Variants in LARS2 observed in about 807,000 individuals in gnomAD.
LARS2 encodes leucyl-tRNA synthetase 2, mitochondrial.
A neutral mutation model predicts 116.6 loss-of-function variants in LARS2; 81 were observed. The observed-to-expected ratio is 0.69, with a 90% CI of 0.58 to 0.84. The LOEUF is 0.84. Among genes scored for constraint, LARS2 ranks in the 40% least tolerant of loss-of-function variants. The pLI, the probability that LARS2 is intolerant of heterozygous loss-of-function variation, is 0.00. For synonymous variants in LARS2, 396 were observed against 407.2 expected, an observed-to-expected ratio of 0.97 and a Z score of 0.33; for missense variants, 968 against 1,114.5, an observed-to-expected ratio of 0.87 and a Z score of 1.87.
chr3:45,432,195 G>GT lies in LARS2; in HGVS notation c.516+12468dup, dbSNP rs1480819071. ...ACAGAATTGAAGAGAGAAATAGACA[G>GT]TTCCACAGTAATAGTTGGAGACTTT... On this transcript the variant is annotated intron_variant, in intron 6 of 21. Coordinates refer to ENST00000645846, the MANE Select transcript of LARS2 (RefSeq NM_015340.4). Among the ~76,000 whole-genome samples the GT allele has an allele frequency of 2.6e-5, 4 of 152,124 alleles. No homozygotes were observed. The East Asian group carries it at 7.7e-4, about 29-fold the overall frequency.
intron 15 of LARS2, among the ~76,000 whole-genome samples, chr3:45,512,563 G>T (rs1199978270): frequency 6.6e-6 from 1 of 152,168 alleles, no homozygotes. Context: ...AAGTGAGATA[G>T]ATCTATATGA....
chr3:45,456,572 G>C (rs1575266876), intron 7 of LARS2, among the ~76,000 whole-genome samples: 1 of 152,184 alleles, frequency 6.6e-6, no homozygotes, highest in African/African-American at 2.4e-5. Flanking sequence ...GACAGAGTGA[G>C]ACCCTGTCTC....
At chr3:45,545,251 C>T (rs1700858911) in intron 21 of LARS2, among the ~76,000 whole-genome samples, 1 of 152,196 alleles carries the variant, frequency 6.6e-6, no homozygotes, top group South Asian at 2.1e-4. Context: ...TTAGCCATCG[C>T]AAGGCTACCC....
At chr3:45,492,500 T>C (rs1699938512) in intron 13 of LARS2, among the ~76,000 whole-genome samples, 1 of 152,236 alleles carries the variant, frequency 6.6e-6, no homozygotes, top group South Asian at 2.1e-4. Context: ...TAAAATAATT[T>C]TGTATTCTGC....
rs139165422 is a variant in LARS2 at position 45,469,252 on chromosome 3, C to T, written c.751-4991C>T. Among the ~76,000 whole-genome samples, 155 of 152,266 alleles carry T rather than the reference C, an allele frequency of 1.0e-3. 3 individuals carry two copies. The East Asian group carries it at 0.026, about 26-fold the overall frequency. The stretch of plus-strand genomic sequence containing the variant: ...ATATCACATTCCAATGAGAGGTTGA[C>T]GCAGGGCTATCATAGGGAGGCTTTA... On this transcript the variant is annotated intron_variant, in intron 8 of 21. Transcript: ENST00000645846.
At chr3:45,532,422 G>A (rs1279583144) in intron 20 of LARS2, among the ~76,000 whole-genome samples, 1 of 152,080 alleles carries the variant, frequency 6.6e-6, no homozygotes, top group Non-Finnish European at 1.5e-5. Context: ...GCCTAATATT[G>A]AGATATCCTC....
chr3:45,503,396 C>T (rs1700150332), intron 15 of LARS2, among the ~76,000 whole-genome samples: 1 of 152,090 alleles, frequency 6.6e-6, no homozygotes. Context: ...TTGAGATCTT[C>T]TTCTAGACTC....
intron 1 of LARS2, among the ~76,000 whole-genome samples, chr3:45,389,614 G>T (rs868247757): frequency 2.0e-5 from 3 of 152,318 alleles, no homozygotes; most frequent in African/African-American, 7.2e-5. Context: ...AAGAGGGGTG[G>T]AGTAGTGGGA....
At chr3:45,410,138 G>C (rs1267604747) in intron 4 of LARS2, among the ~76,000 whole-genome samples, 1 of 152,162 alleles carries the variant, frequency 6.6e-6, no homozygotes, top group Admixed American at 6.5e-5. Context: ...AAACCAAGTG[G>C]TAATTAAGTT....
At chr3:45,531,606 G>C (rs1417956279) in intron 20 of LARS2, among the ~76,000 whole-genome samples, 1 of 151,718 alleles carries the variant, frequency 6.6e-6, no homozygotes, top group Non-Finnish European at 1.5e-5. Context: ...CTAGTCCTGA[G>C]CTCCTGGGCT....
intron 4 of LARS2, among the ~76,000 whole-genome samples, chr3:45,405,438 G>A (rs563548896): frequency 1.3e-5 from 2 of 152,258 alleles, no homozygotes; most frequent in African/African-American, 4.8e-5. Flanking sequence ...GTTTTTAAAA[G>A]CATACAACTC....
At chr3:45,432,963 AT>A (rs1488480238) in intron 6 of LARS2, among the ~76,000 whole-genome samples, 1 of 152,022 alleles carries the variant, frequency 6.6e-6, no homozygotes, top group African/African-American at 2.4e-5. Flanking sequence ...ATTTTATGAT[AT>A]TTTACTATGA....
At chr3:45,505,936 GC>G (rs1700195166) in intron 15 of LARS2, among the ~76,000 whole-genome samples, 1 of 152,018 alleles carries the variant, frequency 6.6e-6, no homozygotes, top group Non-Finnish European at 1.5e-5. Context: ...AGGGTTTGCT[GC>G]ATGCTGATGT....
intron 20 of LARS2, among the ~76,000 whole-genome samples, chr3:45,531,089 T>C (rs1316168348): frequency 6.6e-6 from 1 of 152,218 alleles, no homozygotes; most frequent in African/African-American, 2.4e-5. Context: ...TGATAATGGC[T>C]GGCATATTTT....
At chr3:45,476,312 C>T (rs532599774) in intron 9 of LARS2, among the ~76,000 whole-genome samples, 156 bp from the exon 10 acceptor site, 49 of 152,224 alleles carry the variant, frequency 3.2e-4, no homozygotes, top group African/African-American at 1.1e-3. Context: ...CAGCTTCTTC[C>T]AGGCACCATC....
intron 4 of LARS2, among the ~76,000 whole-genome samples, chr3:45,415,220 G>A (rs997824962): frequency 2.6e-5 from 4 of 152,214 alleles, no homozygotes; most frequent in African/African-American, 7.2e-5. Flanking sequence ...GGGTTGGGGG[G>A]TAGAGGATAT....
At chr3:45,459,516 G>T (rs371453808) in intron 8 of LARS2, among the ~76,000 whole-genome samples, 12 of 152,214 alleles carry the variant, frequency 7.9e-5, no homozygotes, top group African/African-American at 1.9e-4. Flanking sequence ...CAATGAGCAG[G>T]TTGGACCAAG....
At chr3:45,398,654 C>T (rs141080504) in intron 3 of LARS2, among the ~76,000 whole-genome samples, 57 of 152,326 alleles carry the variant, frequency 3.7e-4, no homozygotes, top group South Asian at 2.5e-3. Context: ...ATGATTTAAA[C>T]TTGGGTGTGG....
intron 20 of LARS2, among the ~76,000 whole-genome samples, chr3:45,538,102 C>T (rs1320829232): frequency 6.6e-6 from 1 of 152,186 alleles, no homozygotes; most frequent in Non-Finnish European, 1.5e-5. Flanking sequence ...TTCTTACTTC[C>T]CTAAAATGAG....
Sources: allele counts gnomAD v4.1 joint callset (sites outside exome capture counted in the v4.1 genomes callset), GRCh38; gene constraint gnomAD v4.1.1; transcripts MANE v1.5; gene names NCBI Gene and HGNC (gene_info 2026-07-23, HGNC 2026-07-21).